Variants in TAFA1 observed in about 807,000 individuals in gnomAD.
The protein encoded by TAFA1 is TAFA chemokine like family member 1, also known as chemokine-like protein TAFA-1.
Under a neutral mutation model 18.5 loss-of-function variants are expected in TAFA1, and 4 were observed. That is an observed-to-expected ratio of 0.22 (90% CI 0.11 to 0.49). The LOEUF (loss-of-function observed/expected upper bound fraction) is 0.49, where lower values mean the gene tolerates loss of function less well. TAFA1 is among the 20% of genes least tolerant of loss of function. The probability of loss-of-function intolerance (pLI) is 0.98; values close to 1 mark genes in which losing one functional copy is unlikely to be tolerated. For synonymous variants in TAFA1, 56 were observed against 55.2 expected, an observed-to-expected ratio of 1.01 and a Z score of -0.06; for missense variants, 147 against 169.0, an observed-to-expected ratio of 0.87 and a Z score of 0.72.
At chr3:68,165,170 C>A (rs1249384129) in intron 2 of TAFA1, among the ~76,000 whole-genome samples, 2 of 152,202 alleles carry the variant, frequency 1.3e-5, no homozygotes, top group Non-Finnish European at 2.9e-5. Flanking sequence ...ATTTTAGAAT[C>A]TCACCTTCTA....
At chr3:68,323,730 C>T (rs574926580) in intron 2 of TAFA1, among the ~76,000 whole-genome samples, 2 of 152,214 alleles carry the variant, frequency 1.3e-5, no homozygotes, top group Admixed American at 1.3e-4. Context: ...AAAAATAATT[C>T]TCTGAAGCAG....
At chr3:68,192,685 A>G (rs1345303453) in intron 2 of TAFA1, 2 of 147,848 alleles carry the variant, frequency 1.4e-5, no homozygotes, top group Non-Finnish European at 3.0e-5. Context: ...ACATCCTGCA[A>G]TTTCTTTATG....
chr3:68,170,114 A>G (rs1419222441), intron 2 of TAFA1, among the ~76,000 whole-genome samples: 1 of 152,204 alleles, frequency 6.6e-6, no homozygotes, highest in African/African-American at 2.4e-5. Context: ...CAGTAAGAAG[A>G]TCAAGATTTA....
chr3:68,174,625 G>T (rs2066100509), intron 2 of TAFA1, among the ~76,000 whole-genome samples: 1 of 152,124 alleles, frequency 6.6e-6, no homozygotes, highest in East Asian at 1.9e-4. Context: ...TCTGGCGGAA[G>T]AAATTTCTAA....
intron 2 of TAFA1, among the ~76,000 whole-genome samples, chr3:68,048,069 C>T (rs1042492372): frequency 1.3e-5 from 2 of 152,120 alleles, no homozygotes; most frequent in African/African-American, 4.8e-5. Context: ...AGGTAACAAA[C>T]CCCAGAACTG....
intron 2 of TAFA1, among the ~76,000 whole-genome samples, chr3:68,376,394 T>TCTCC (rs1022509903): frequency 1.4e-4 from 22 of 152,174 alleles, no homozygotes; most frequent in East Asian, 7.7e-4. Context: ...TTCCTGGTCT[T>TCTCC]CTCCCTCCTC....
At chr3:68,410,325 T>C (rs1451347417) in intron 2 of TAFA1, among the ~76,000 whole-genome samples, 1 of 151,960 alleles carries the variant, frequency 6.6e-6, no homozygotes, top group Non-Finnish European at 1.5e-5. Flanking sequence ...GAGAAGAAAG[T>C]CCACTGTTTT....
intron 2 of TAFA1, among the ~76,000 whole-genome samples, chr3:68,175,386 A>G (rs2066110403): frequency 6.6e-6 from 1 of 152,210 alleles, no homozygotes; most frequent in African/African-American, 2.4e-5. Context: ...ATTCTAGCCC[A>G]TGAAAGCAGC....
At chr3:68,498,722 C>CTGTTTTTTTTTTTTTTTTTTTTT (rs2072598591) in intron 3 of TAFA1, among the ~76,000 whole-genome samples, 1 of 97,028 alleles carries the variant, frequency 1.0e-5, no homozygotes, top group African/African-American at 4.8e-5. Flanking sequence ...CGTTTGGTGG[C>CTGTTTTTTTTTTTTTTTTTTTTT]TTTTTTTTTT....
At chr3:68,379,754 C>CT (rs200795323) in intron 2 of TAFA1, among the ~76,000 whole-genome samples, 186 of 139,066 alleles carry the variant, frequency 1.3e-3, no homozygotes, top group African/African-American at 3.1e-3. Context: ...CTCCAAAGTT[C>CT]TTTTTTTTTT....
chr3:68,400,112 C>T (rs190201913), intron 2 of TAFA1, among the ~76,000 whole-genome samples: 45 of 152,232 alleles, frequency 3.0e-4, no homozygotes, highest in Admixed American at 7.2e-4. Context: ...GAAAAGACTA[C>T]GCTGTTTGGC....
intron 2 of TAFA1, among the ~76,000 whole-genome samples, chr3:68,105,265 A>G (rs1373073802): frequency 6.6e-6 from 1 of 152,130 alleles, no homozygotes; most frequent in Non-Finnish European, 1.5e-5. Context: ...GACATTCAAA[A>G]TATATCAGTA....
intron 2 of TAFA1, among the ~76,000 whole-genome samples, chr3:68,056,938 A>T (rs568599570): frequency 6.6e-6 from 1 of 152,250 alleles, no homozygotes; most frequent in East Asian, 1.9e-4. Context: ...CAATACCCAG[A>T]TCCATTTGTG....
At chr3:68,121,248 AAT>A (rs1491191064) in intron 2 of TAFA1, among the ~76,000 whole-genome samples, 6 of 74,978 alleles carry the variant, frequency 8.0e-5, no homozygotes, top group Non-Finnish European at 1.7e-4. Context: ...AATGTACATT[AAT>A]GTGTGTGTGT....
In TAFA1 at chr3:68,394,153, C is replaced by A. The variant is rs147797018; in HGVS notation, c.119-23127C>A. 4.0e-3 allele frequency among the ~76,000 whole-genome samples: 608 copies of A among 152,214 alleles called. 3 individuals are homozygous for A. Among genetic ancestry groups the A allele is most frequent in the African/African-American group, 0.014 (562 of 41,526 alleles). On this transcript the variant is annotated intron_variant, in intron 2 of 4. Transcript: ENST00000478136. ...GAAAAATCACAAGCATTCCTGTACACCAATAATAGACAAACAGAGCCAAAT... is the reference window on the plus strand; with the variant it reads ...GAAAAATCACAAGCATTCCTGTACAACAATAATAGACAAACAGAGCCAAAT...
intron 3 of TAFA1, among the ~76,000 whole-genome samples, chr3:68,433,217 T>C (rs1329007926): frequency 6.6e-6 from 1 of 152,060 alleles, no homozygotes; most frequent in Non-Finnish European, 1.5e-5. Context: ...CATCTTTGCC[T>C]TTCTTCACTT....
chr3:68,140,499 A>G (rs886821949), intron 2 of TAFA1, among the ~76,000 whole-genome samples: 19 of 152,210 alleles, frequency 1.2e-4, no homozygotes, highest in African/African-American at 4.1e-4. Flanking sequence ...GAGGAAGTGC[A>G]TGTATTACCA....
intron 3 of TAFA1, among the ~76,000 whole-genome samples, chr3:68,451,000 C>T (rs939436093): frequency 4.5e-4 from 69 of 152,178 alleles, no homozygotes; most frequent in African/African-American, 1.6e-3. Flanking sequence ...TGAAGAAACA[C>T]AGCAAATAAG....
chr3:68,430,847 A>C (rs1372204211), intron 3 of TAFA1, among the ~76,000 whole-genome samples: 1 of 151,996 alleles, frequency 6.6e-6, no homozygotes, highest in Non-Finnish European at 1.5e-5. Context: ...TTTGGATGGA[A>C]ATTTTAAATC....
Sources: allele counts gnomAD v4.1 joint callset (sites outside exome capture counted in the v4.1 genomes callset), GRCh38; gene constraint gnomAD v4.1.1; transcripts MANE v1.5; gene names NCBI Gene and HGNC (gene_info 2026-07-23, HGNC 2026-07-21).